Variants in RADIL observed in about 807,000 individuals in gnomAD.
The protein encoded by RADIL is ras-associating and dilute domain-containing protein.
Under a neutral mutation model 97.6 loss-of-function variants are expected in RADIL, and 99 were observed. That is an observed-to-expected ratio of 1.01 (90% CI 0.86 to 1.20). The LOEUF is 1.20. Among genes scored for constraint, RADIL ranks in the 50% most tolerant of loss-of-function variants. The pLI is 0.00. For synonymous variants in RADIL, 803 were observed against 691.8 expected, an observed-to-expected ratio of 1.16 and a Z score of -2.52; for missense variants, 1,765 against 1,498.9, an observed-to-expected ratio of 1.18 and a Z score of -2.93.
At chr7:4,832,036 G>T in intron 5 of RADIL, 105 bp downstream of exon 5, 2 of 1,206,730 alleles carry the variant, frequency 1.7e-6, no homozygotes, top group South Asian at 1.3e-5. Flanking sequence ...GCCCAGAGCT[G>T]ACCCCAAGGC....
chr7:4,864,835 C>G (rs1438228260), intron 2 of RADIL, among the ~76,000 whole-genome samples: 1 of 152,254 alleles, frequency 6.6e-6, no homozygotes, highest in East Asian at 1.9e-4. Context: ...AATTAATCTC[C>G]TATTACTGAC....
intron 4 of RADIL, among the ~76,000 whole-genome samples, chr7:4,833,372 G>C (rs1783201966): frequency 6.6e-6 from 1 of 152,210 alleles, no homozygotes; most frequent in Non-Finnish European, 1.5e-5. Flanking sequence ...CTCGGTCACA[G>C]TGGCCACGAT....
Position 4,854,346 on chromosome 7 carries a change from T to C in RADIL, c.536-17741A>G, listed in dbSNP as rs7384859. ...GGGGCATTAGGTGGGGTTTTCTGTTTGCTTTTGTTTCTGGGGAGGGTGGTG... is the reference window on the plus strand; with the variant it reads ...GGGGCATTAGGTGGGGTTTTCTGTTCGCTTTTGTTTCTGGGGAGGGTGGTG... On this transcript the variant is annotated intron_variant, in intron 2 of 14. Transcript: ENST00000399583. The surrounding 1 kb of genome is among the most constrained non-coding windows in gnomAD (Gnocchi z 5.1). Among the ~76,000 whole-genome samples, 1 of 152,172 alleles carries C rather than the reference T, an allele frequency of 6.6e-6. No homozygotes were observed. Among genetic ancestry groups the C allele is most frequent in the Admixed American group, 6.5e-5 (1 of 15,278 alleles).
At chr7:4,841,329 G>C (rs1010958027) in intron 2 of RADIL, among the ~76,000 whole-genome samples, 7 of 152,242 alleles carry the variant, frequency 4.6e-5, no homozygotes, top group African/African-American at 7.2e-5. Flanking sequence ...CCAGAAATCT[G>C]TATTGGTAAA....
chr7:4,838,178 G>A (rs765367767), intron 2 of RADIL: 31 of 469,502 alleles, frequency 6.6e-5, no homozygotes, highest in South Asian at 3.6e-4. Flanking sequence ...CCTGGCAGGC[G>A]GCAGGTGCCC....
rs769191568 is a variant in RADIL, at chr7:4,805,714, C to T, written c.2142G>A (p.Met714Ile). 159 of 1,605,786 alleles carry T rather than the reference C, an allele frequency of 9.9e-5. 4 individuals carry two copies. In the South Asian group the frequency reaches 1.7e-3, roughly 17 times the overall value. ...LATPRAQLIQMSWTALRAAFP... is the reference protein window; with the variant it reads ...LATPRAQLIQISWTALRAAFP... Reference sequence around the variant, plus strand: ...ACGCAGCCCGCAGGGCTGTCCAGCTCATCTGGGTGACAAGAAGGAGCTCAT... The same window carrying T: ...ACGCAGCCCGCAGGGCTGTCCAGCTTATCTGGGTGACAAGAAGGAGCTCAT... Residue 714 changes from methionine to isoleucine, a missense_variant and splice_region_variant, in exon 10 of 15, where the codon ATG becomes ATA. Met to Ile is a conservative substitution (Grantham distance 10). Transcript: ENST00000399583.
At chr7:4,833,647 T>C (rs950484599) in intron 4 of RADIL, among the ~76,000 whole-genome samples, 3 of 152,216 alleles carry the variant, frequency 2.0e-5, no homozygotes, top group Middle Eastern at 3.2e-3. Context: ...ATAAGGTTTC[T>C]ACACAGTCAA....
Position 4,800,224 on chromosome 7 carries a change from C to CCGTGAAGA in RADIL, c.2921_2928dup (p.Val977SerfsTer17). ...CCGGAGGGGCCTCGTTCCAGCTCCA[C>CCGTGAAGA]CGTGAAGACGTAGCAGAAGTCCTCG... On this transcript the variant is annotated frameshift_variant, in exon 13 of 15. Coordinates refer to ENST00000399583, the MANE Select transcript of RADIL (RefSeq NM_018059.5). LOFTEE classifies it high-confidence loss of function. 1.2e-6 allele frequency: 2 copies of CCGTGAAGA among 1,605,194 alleles called. No homozygotes were observed. Among genetic ancestry groups the CCGTGAAGA allele is most frequent in the Non-Finnish European group, 1.7e-6 (2 of 1,176,936 alleles).
In RADIL at chr7:4,826,719, C is replaced by T. The variant is rs540078948; in HGVS notation, c.1455-4165G>A. Among the ~76,000 whole-genome samples, 443 of 141,258 alleles carry T rather than the reference C, an allele frequency of 3.1e-3. 5 individuals are homozygous for T. The highest frequency in any genetic ancestry group is 0.026 in the South Asian group (117 of 4,550). 92.7% of individuals were successfully genotyped at this position (141,258 alleles called of 152,430 possible). On this transcript the variant is annotated intron_variant, in intron 5 of 14. Coordinates refer to ENST00000399583, the MANE Select transcript of RADIL (RefSeq NM_018059.5). Reference sequence around the variant, plus strand: ...CTATACTCCAGCTTGGGCAACAGAGCGAGACTCCGTCTCAAAAAAAAAAAA... The same window carrying T: ...CTATACTCCAGCTTGGGCAACAGAGTGAGACTCCGTCTCAAAAAAAAAAAA...
At chr7:4,805,738 A>G (rs1782284443) in intron 9 of RADIL, 22 bp from the exon 10 acceptor site, 2 of 1,594,500 alleles carry the variant, frequency 1.3e-6, no homozygotes, top group African/African-American at 1.3e-5. Flanking sequence ...GAAGGAGCTC[A>G]TGGTCACAGG....
rs370754335 is a variant in RADIL at position 4,801,801 on chromosome 7, G to C, written c.2694C>G (p.Asp898Glu). Reference sequence around the variant, plus strand: ...TGGGAGGCGTGAGCAAGCAGGACGAGTCCGTGTGCGGGGGGCCAGCCTGGG... The same window carrying C: ...TGGGAGGCGTGAGCAAGCAGGACGACTCCGTGTGCGGGGGGCCAGCCTGGG... ...GGSQAGPPHT[D>E]SSCLLTPPST... The change falls in exon 12 of 15, where the codon GAC becomes GAG. Residue 898 changes from aspartate (D) to glutamate (E), a missense_variant. By Grantham distance (45) the Asp-to-Glu change is conservative. Transcript: ENST00000399583. 57 of 1,609,224 alleles carry C rather than the reference G, an allele frequency of 3.5e-5. No individual in the cohort carries two copies. Among genetic ancestry groups the C allele is most frequent in the Non-Finnish European group, 3.5e-5 (41 of 1,178,654 alleles).
rs550262488 is a variant in RADIL, at chr7:4,832,046, C to T, written c.1454+95G>A. The T allele has an allele frequency of 3.9e-5, 52 of 1,333,026 alleles. No individual in the cohort carries two copies. The African/African-American group carries it at 6.1e-4, about 16-fold the overall frequency. 82.6% of individuals were successfully genotyped at this position (1,333,026 alleles called of 1,614,324 possible). ...ACAAAGCCCAGAGCTGACCCCAAGG[C>T]GTGGGGAGACCCCTCGGGACTTGGC... On this transcript the variant is annotated intron_variant, in intron 5 of 14. Transcript: ENST00000399583.
At chr7:4,809,074 C>A in intron 9 of RADIL, 1 of 982,728 alleles carries the variant, frequency 1.0e-6, no homozygotes, top group Non-Finnish European at 1.2e-6. Context: ...ACTGCCCCTC[C>A]GCGTCTCCTG....
chr7:4,841,787 G>A (rs756522442), intron 2 of RADIL, among the ~76,000 whole-genome samples: 11 of 152,352 alleles, frequency 7.2e-5, no homozygotes, highest in Admixed American at 3.9e-4. Flanking sequence ...GAGAACACAA[G>A]GCCAGGCCCA....
chr7:4,820,671 C>T (rs1402572011), intron 6 of RADIL, among the ~76,000 whole-genome samples: 1 of 152,218 alleles, frequency 6.6e-6, no homozygotes, highest in Non-Finnish European at 1.5e-5. Flanking sequence ...GGAACTCGGA[C>T]AGATCCTGGC....
In RADIL at chr7:4,822,273, G is replaced by GC; in HGVS notation, c.1615+120dup. 8.0e-7 allele frequency: 1 copy of GC among 1,246,924 alleles called. No homozygotes were observed. Among genetic ancestry groups the GC allele is most frequent in the Non-Finnish European group, 1.1e-6 (1 of 923,586 alleles). The allele number at this position is 1,246,924 out of a possible 1,614,324, so 77.2% of individuals were successfully genotyped here. On this transcript the variant is annotated intron_variant, in intron 6 of 14. Coordinates refer to ENST00000399583, the MANE Select transcript of RADIL (RefSeq NM_018059.5). This position sits in a 1 kb window ranked among gnomAD's most constrained non-coding sequence, Gnocchi z 5.3. Reference sequence around the variant, plus strand: ...ACATGGCAGCCTAGGGACTGAGGAAGCCCCCGGCATGAATCCACCCCTGCT... The same window carrying GC: ...ACATGGCAGCCTAGGGACTGAGGAAGCCCCCCGGCATGAATCCACCCCTGCT...
intron 2 of RADIL, chr7:4,859,932 G>A (rs1233556029): frequency 6.2e-7 from 1 of 1,613,318 alleles, no homozygotes; most frequent in African/African-American, 1.3e-5. Flanking sequence ...TGAGTTTCCT[G>A]AAGGTCTGGA....
Position 4,837,915 on chromosome 7 carries a change from T to A in RADIL, c.536-1310A>T. 3 of 985,386 alleles carry A rather than the reference T, an allele frequency of 3.0e-6. No individual in the cohort carries two copies. Among genetic ancestry groups the A allele is most frequent in the Middle Eastern group, 5.2e-4 (1 of 1,914 alleles). 61.0% of individuals were successfully genotyped at this position (985,386 alleles called of 1,614,324 possible). A position where few individuals can be genotyped will look rare whatever the true frequency, so the allele number is the denominator to read the frequency against. Reference sequence around the variant, plus strand: ...CCTTTCAGGTTAAGATCCATCCCCATCTGTGGCGGCCTTTCCTCCAACCAT... The same window carrying A: ...CCTTTCAGGTTAAGATCCATCCCCAACTGTGGCGGCCTTTCCTCCAACCAT... On this transcript the variant is annotated intron_variant, in intron 2 of 14. Coordinates refer to ENST00000399583, the MANE Select transcript of RADIL (RefSeq NM_018059.5). This position sits in a 1 kb window ranked among gnomAD's most constrained non-coding sequence, Gnocchi z 5.6.
intron 2 of RADIL, among the ~76,000 whole-genome samples, chr7:4,853,236 T>C (rs1002247542): frequency 2.0e-5 from 3 of 152,154 alleles, no homozygotes; most frequent in Admixed American, 6.6e-5. Context: ...GAGTGGGAAC[T>C]GTTCGTGTCA....
Sources: gnomAD v4.1 joint callset for allele counts (sites outside exome capture counted in the v4.1 genomes callset) on GRCh38, gnomAD v4.1.1 for gene constraint, Gnocchi (gnomAD v3.1) non-coding constraint, MANE v1.5 for transcripts, NCBI Gene and HGNC (gene_info 2026-07-23, HGNC 2026-07-21) for gene names.